KATNAL2: variants seen among roughly 807,000 people sequenced by gnomAD.
KATNAL2 encodes the protein katanin catalytic subunit A1 like 2, also known as katanin p60 ATPase-containing subunit A-like 2.
In KATNAL2, 52 loss-of-function variants were observed where a neutral mutation model predicts 76.3. The observed-to-expected ratio is 0.68, with a 90% CI of 0.55 to 0.86. The LOEUF (loss-of-function observed/expected upper bound fraction) is 0.86. KATNAL2 is among the 40% of genes least tolerant of loss of function. The pLI, the probability that KATNAL2 is intolerant of heterozygous loss-of-function variation, is 0.00. For missense variants in KATNAL2, 660 were observed against 668.9 expected (o/e 0.99, Z 0.15); for synonymous variants, 243 against 244.2 (o/e 1.00, Z 0.05).
chr18:47,055,612 G>T (rs909982980), intron 6 of KATNAL2, among the ~76,000 whole-genome samples: 12 of 152,204 alleles, frequency 7.9e-5, no homozygotes, highest in African/African-American at 2.7e-4. Flanking sequence ...GAGTTTTATC[G>T]CTTTGACAAA....
chr18:47,100,825 A>C lies in KATNAL2; in HGVS notation c.1478-41A>C, dbSNP rs557713561. 13 of 1,612,106 alleles carry C rather than the reference A, an allele frequency of 8.1e-6. No individual in the cohort carries two copies. In the East Asian group the frequency reaches 2.7e-4, roughly 33 times the overall value. ...CGTTTCAAGAGCATTGATCACCAAG[A>C]GGTCGATTGTTGTGCTGTTACTGTT... On this transcript the variant is annotated intron_variant, in intron 17 of 17. Coordinates refer to ENST00000683218, the MANE Select transcript of KATNAL2 (RefSeq NM_001387690.1).
At chr18:46,938,149 T>C (rs2059146007) in intron 1 of KATNAL2, among the ~76,000 whole-genome samples, 2 of 152,090 alleles carry the variant, frequency 1.3e-5, no homozygotes, top group Admixed American at 6.6e-5. Context: ...AAACTAGAGC[T>C]ACATATAAAA....
In KATNAL2 at chr18:47,040,122, T is replaced by C. The variant is rs2060913139; in HGVS notation, c.52-6335T>C. ...AAAAGACATAATCTCTTATAAGACATACTACTCCTGGTACAGCAGGGTGAC... is the reference window on the plus strand; with the variant it reads ...AAAAGACATAATCTCTTATAAGACACACTACTCCTGGTACAGCAGGGTGAC... On this transcript the variant is annotated intron_variant, in intron 3 of 17. Transcript: ENST00000683218. 1.3e-5 allele frequency among the ~76,000 whole-genome samples: 2 copies of C among 152,368 alleles called. 1 individual carries two copies. Among genetic ancestry groups the C allele is most frequent in the Middle Eastern group, 6.8e-3 (2 of 294 alleles).
intron 3 of KATNAL2, chr18:47,032,916 T>C (rs1034277514): frequency 6.2e-7 from 1 of 1,607,440 alleles, no homozygotes; most frequent in African/African-American, 1.3e-5. Flanking sequence ...GGTTCTGGTG[T>C]CCATTGGAAG....
intron 10 of KATNAL2, among the ~76,000 whole-genome samples, chr18:47,066,104 GTATT>G (rs1223882643): frequency 1.3e-5 from 2 of 151,722 alleles, no homozygotes; most frequent in African/African-American, 4.8e-5. Flanking sequence ...TTTAAAAAAT[GTATT>G]TATATTTTTG....
intron 9 of KATNAL2, 50 bp downstream of exon 9, chr18:47,063,120 T>A: frequency 6.6e-7 from 1 of 1,510,972 alleles, no homozygotes; most frequent in African/African-American, 1.4e-5. Context: ...AACATCCAGA[T>A]GAACTCTGGA....
At chr18:47,096,078 G>A (rs2147404366) in intron 15 of KATNAL2, among the ~76,000 whole-genome samples, 1 of 152,286 alleles carries the variant, frequency 6.6e-6, no homozygotes, top group African/African-American at 2.4e-5. Flanking sequence ...TGTCGGTAAG[G>A]CACCCCTGGA....
At chr18:47,073,118 C>T (rs1480753228) in intron 13 of KATNAL2, among the ~76,000 whole-genome samples, 1 of 152,164 alleles carries the variant, frequency 6.6e-6, no homozygotes, top group Non-Finnish European at 1.5e-5. Context: ...CTTACAGTCC[C>T]ATCAATGGTT....
intron 1 of KATNAL2, among the ~76,000 whole-genome samples, chr18:46,922,947 A>T (rs1599290274): frequency 6.7e-6 from 1 of 148,246 alleles, no homozygotes; most frequent in African/African-American, 2.4e-5. Context: ...TGTATATATA[A>T]TATAGTTAAA....
Position 47,034,636 on chromosome 18 carries a change from C to T in KATNAL2, c.52-11821C>T, listed in dbSNP as rs201942488. The stretch of plus-strand genomic sequence containing the variant: ...TTTCCCCTGGGGTTGGCCCTGGCAG[C>T]CTGGACACAGCAGAGGCCCGCCCTG... On this transcript the variant is annotated intron_variant, in intron 3 of 17. Transcript: ENST00000683218. 677 of 1,613,948 alleles carry T rather than the reference C, an allele frequency of 4.2e-4. 2 individuals are homozygous for T. The highest frequency in any genetic ancestry group is 4.0e-4 in the South Asian group (36 of 91,086).
intron 10 of KATNAL2, among the ~76,000 whole-genome samples, chr18:47,064,640 C>T (rs546444870): frequency 2.3e-4 from 35 of 152,244 alleles, no homozygotes; most frequent in Admixed American, 2.0e-4. Context: ...GGGACTGAGC[C>T]AGGCTGCAGT....
chr18:47,100,382 G>C (rs934949339), intron 17 of KATNAL2, 26 bp downstream of exon 17: 5 of 1,576,436 alleles, frequency 3.2e-6, no homozygotes, highest in Non-Finnish European at 4.4e-6. Context: ...CCATGAAGGT[G>C]TTCCAGGAAT....
At chr18:46,940,846 G>A (rs549422922) in intron 1 of KATNAL2, among the ~76,000 whole-genome samples, 3 of 152,238 alleles carry the variant, frequency 2.0e-5, no homozygotes, top group African/African-American at 7.2e-5. Flanking sequence ...TAACATAGCT[G>A]GACTCCTGCT....
At chr18:47,036,108 A>C (rs1218426661) in intron 3 of KATNAL2, among the ~76,000 whole-genome samples, 2 of 152,172 alleles carry the variant, frequency 1.3e-5, no homozygotes, top group Non-Finnish European at 2.9e-5. Context: ...TCTTTTTTCC[A>C]TTATTAACTG....
chr18:46,940,368 A>G (rs774867668), intron 1 of KATNAL2, among the ~76,000 whole-genome samples: 2 of 152,256 alleles, frequency 1.3e-5, no homozygotes, highest in Non-Finnish European at 2.9e-5. Flanking sequence ...CTTTAGTCTT[A>G]CATTCCAACA....
Position 47,059,809 on chromosome 18 carries a change from G to C in KATNAL2, c.549+155G>C, listed in dbSNP as rs2147135599. Among the ~76,000 whole-genome samples the C allele has an allele frequency of 2.0e-5, 3 of 152,024 alleles. No individual in the cohort carries two copies. In the Middle Eastern group the frequency reaches 0.01, roughly 517 times the overall value. ...AAATGGAGAAGAGCGTCAGAAAATG[G>C]GTTCTTCTTTGGAATCTCCTTTCTG... On this transcript the variant is annotated intron_variant, in intron 8 of 17. Coordinates refer to ENST00000683218, the MANE Select transcript of KATNAL2 (RefSeq NM_001387690.1).
chr18:47,099,370 C>T lies in KATNAL2; in HGVS notation c.1339C>T (p.Leu447=), dbSNP rs2063377366. Residue 447 remains leucine (L), a synonymous_variant, in exon 16 of 18, where the codon CTG becomes TTG. Transcript: ENST00000683218. Reference sequence around the variant, plus strand: ...TGTGAGCAAGAGCAGGGCCTTGGAGCTGCACACAGAGCTGGAGTACAGTGT... The same window carrying T: ...TGTGAGCAAGAGCAGGGCCTTGGAGTTGCACACAGAGCTGGAGTACAGTGT... ...PPVSKSRALE[L]HTELEYSVLS... 6 of 1,613,872 alleles carry T rather than the reference C, an allele frequency of 3.7e-6. No individual in the cohort carries two copies. Among genetic ancestry groups the T allele is most frequent in the Middle Eastern group, 1.7e-4 (1 of 6,060 alleles).
chr18:47,097,875 C>G (rs966817293), intron 15 of KATNAL2, among the ~76,000 whole-genome samples: 1 of 152,130 alleles, frequency 6.6e-6, no homozygotes, highest in Non-Finnish European at 1.5e-5. Flanking sequence ...TGATCCTCTC[C>G]TCCTCCCACC....
chr18:47,062,202 G>A (rs1187842576), intron 8 of KATNAL2, among the ~76,000 whole-genome samples: 1 of 152,040 alleles, frequency 6.6e-6, no homozygotes, highest in Non-Finnish European at 1.5e-5. Context: ...GCAACATAAA[G>A]AGACCCCACT....
Sources: gnomAD v4.1 joint callset for allele counts (sites outside exome capture counted in the v4.1 genomes callset) on GRCh38, gnomAD v4.1.1 for gene constraint, MANE v1.5 for transcripts, NCBI Gene and HGNC (gene_info 2026-07-23, HGNC 2026-07-21) for gene names.